Variants in CLK3 observed in about 807,000 individuals in gnomAD.
CLK3 encodes CDC like kinase 3, also known as dual specificity protein kinase CLK3.
A neutral mutation model predicts 65.2 loss-of-function variants in CLK3; 24 were observed. The observed-to-expected ratio is 0.37, with a 90% CI of 0.27 to 0.52. The LOEUF (loss-of-function observed/expected upper bound fraction) is 0.52, where lower values mean the gene tolerates loss of function less well. Ranked by LOEUF, CLK3 falls within the 20% of genes least tolerant of loss-of-function variation. The pLI is 0.92. For synonymous variants in CLK3, 252 were observed against 240.8 expected, an observed-to-expected ratio of 1.05 and a Z score of -0.43; for missense variants, 506 against 660.0, an observed-to-expected ratio of 0.77 and a Z score of 2.56.
Position 74,622,605 on chromosome 15 carries a change from C to T in CLK3, c.533+45C>T, listed in dbSNP as rs577814747. 32 of 1,482,522 alleles carry T rather than the reference C, an allele frequency of 2.2e-5. No homozygotes were observed. Among genetic ancestry groups the T allele is most frequent in the Non-Finnish European group, 2.4e-5 (26 of 1,082,712 alleles). The allele number at this position is 1,482,522 out of a possible 1,614,324, so 91.8% of individuals were successfully genotyped here. On this transcript the variant is annotated intron_variant, in intron 5 of 12. Transcript: ENST00000395066. This position sits in a 1 kb window ranked among gnomAD's most constrained non-coding sequence, Gnocchi z 4.6. ...ACAGCTGGCTCCGGATGTGATCTTC[C>T]TGGGAAGAGCTGGCCTGAGGTTCTT...
rs770174422 is a variant in CLK3, at chr15:74,622,576, C to A, written c.533+16C>A. Reference sequence around the variant, plus strand: ...ACCATGCCAGGTGAGCGAGCTGCGGCAGTACAGCTGGCTCCGGATGTGATC... The same window carrying A: ...ACCATGCCAGGTGAGCGAGCTGCGGAAGTACAGCTGGCTCCGGATGTGATC... On this transcript the variant is annotated intron_variant, in intron 5 of 12. Coordinates refer to ENST00000395066, the MANE Select transcript of CLK3 (RefSeq NM_001130028.2). This position sits in a 1 kb window ranked among gnomAD's most constrained non-coding sequence, Gnocchi z 4.6. 3.9e-5 allele frequency: 63 copies of A among 1,600,112 alleles called. No individual in the cohort carries two copies. Among genetic ancestry groups the A allele is most frequent in the Non-Finnish European group, 5.3e-5 (62 of 1,172,274 alleles).
rs182553092 is a variant in CLK3, at chr15:74,625,542, G to A, written c.651-260G>A. On this transcript the variant is annotated intron_variant, in intron 6 of 12. Transcript: ENST00000395066. The stretch of plus-strand genomic sequence containing the variant: ...TTCCATATCATAAGTAGGGAAGCTC[G>A]GAGGGCTTGGACCAGAACCGTGGAC... 1.7e-3 allele frequency among the ~76,000 whole-genome samples: 255 copies of A among 152,276 alleles called. 1 individual carries two copies. Among genetic ancestry groups the A allele is most frequent in the South Asian group, 6.2e-3 (30 of 4,824 alleles).
intron 6 of CLK3, 29 bp downstream of exon 6, chr15:74,625,047 G>A (rs1017977017): frequency 6.8e-7 from 1 of 1,471,484 alleles, no homozygotes; most frequent in Admixed American, 1.7e-5. Context: ...TGGGAGGGAA[G>A]CCTTCAGTGG....
rs1369394486 is a variant in CLK3, at chr15:74,629,885, A to T, written c.*2A>T. The T allele has an allele frequency of 6.2e-7, 1 of 1,606,332 alleles. No homozygotes were observed. Among genetic ancestry groups the T allele is most frequent in the Admixed American group, 1.7e-5 (1 of 59,022 alleles). On this transcript the variant is annotated 3_prime_UTR_variant, in exon 13 of 13. Coordinates refer to ENST00000395066, the MANE Select transcript of CLK3 (RefSeq NM_001130028.2). The stretch of plus-strand genomic sequence containing the variant: ...ACCAGCCGCAACCCAAGCAGATGAC[A>T]GGCACAGGCCACCGCATGAGGAGAT...
chr15:74,627,134 AC>A lies in CLK3; in HGVS notation c.818-212del. 4 of 659,914 alleles carry A rather than the reference AC, an allele frequency of 6.1e-6. No individual in the cohort carries two copies. Among genetic ancestry groups the A allele is most frequent in the East Asian group, 3.0e-5 (1 of 33,852 alleles). The allele number at this position is 659,914 out of a possible 1,614,324, so 40.9% of individuals were successfully genotyped here. A position where few individuals can be genotyped will look rare whatever the true frequency, so the allele number is the denominator to read the frequency against. On this transcript the variant is annotated intron_variant, in intron 7 of 12. Transcript: ENST00000395066. The surrounding 1 kb of genome is among the most constrained non-coding windows in gnomAD (Gnocchi z 4.3). ...TTTTCGAATGGCAAATTTCTTTCCTACCCCCCTGCTAAAGTATCAGAACCCT... is the reference window on the plus strand; with the variant it reads ...TTTTCGAATGGCAAATTTCTTTCCTACCCCCTGCTAAAGTATCAGAACCCT...
At chr15:74,615,596 G>C (rs1298141645), upstream of CLK3, 13 of 1,258,876 alleles carry the variant, frequency 1.0e-5, no homozygotes, top group Non-Finnish European at 1.3e-5. Flanking sequence ...GCACCTGTCA[G>C]GTCGGGGGAC....
At chr15:74,609,371 A>T (rs895361904) in intron 1 of CLK3, among the ~76,000 whole-genome samples, 2 of 152,198 alleles carry the variant, frequency 1.3e-5, no homozygotes, top group Admixed American at 1.3e-4. Flanking sequence ...GAAGATGAGG[A>T]TGGTGCTCTC....
In CLK3 at chr15:74,621,459, C is replaced by T. The variant is rs567613547; in HGVS notation, c.370-661C>T. ...AGGCTGGTGGCAGGAGGGCTGCTGACGGAAGGCTGTTTCTGGTAGTGATGG... is the reference window on the plus strand; with the variant it reads ...AGGCTGGTGGCAGGAGGGCTGCTGATGGAAGGCTGTTTCTGGTAGTGATGG... On this transcript the variant is annotated intron_variant, in intron 3 of 12. Transcript: ENST00000395066. The surrounding 1 kb of genome is among the most constrained non-coding windows in gnomAD (Gnocchi z 4.8). 2.4e-4 allele frequency: 39 copies of T among 164,270 alleles called. No homozygotes were observed. Among genetic ancestry groups the T allele is most frequent in the African/African-American group, 8.6e-4 (36 of 41,770 alleles). The allele number at this position is 164,270 out of a possible 1,614,324, so 10.2% of individuals were successfully genotyped here.
At chr15:74,615,334 C>T, upstream of CLK3, 9 of 976,016 alleles carry the variant, frequency 9.2e-6, no homozygotes, top group Non-Finnish European at 1.2e-5. Flanking sequence ...AAAAAACCCG[C>T]ACACACCAAG....
chr15:74,610,367 G>A (rs1480708124), intron 1 of CLK3, among the ~76,000 whole-genome samples: 1 of 152,208 alleles, frequency 6.6e-6, no homozygotes, highest in East Asian at 1.9e-4. Flanking sequence ...TGCATCTGGT[G>A]CCTCTCCTGC....
At chr15:74,614,613 C>A (rs574280563), upstream of CLK3, among the ~76,000 whole-genome samples, 2 of 152,246 alleles carry the variant, frequency 1.3e-5, no homozygotes, top group African/African-American at 4.8e-5. Flanking sequence ...TGAAACCCCC[C>A]GTTTCAGGGA....
chr15:74,626,687 T>C (rs780244467), intron 7 of CLK3, among the ~76,000 whole-genome samples: 3 of 152,060 alleles, frequency 2.0e-5, no homozygotes, highest in Non-Finnish European at 4.4e-5. Context: ...GGGCTGAGAA[T>C]TGGCTCCAGT....
At chr15:74,615,183 A>C (rs958911113), upstream of CLK3, 4 of 379,752 alleles carry the variant, frequency 1.1e-5, no homozygotes, top group Non-Finnish European at 1.9e-5. Context: ...GCAGGCCGGC[A>C]GGAAGCCGCT....
In CLK3 at chr15:74,622,619, C is replaced by T; in HGVS notation, c.533+59C>T. ...ATGTGATCTTCCTGGGAAGAGCTGG[C>T]CTGAGGTTCTTGAGGGTGGCAGCTA... On this transcript the variant is annotated intron_variant, in intron 5 of 12. Transcript: ENST00000395066. This position sits in a 1 kb window ranked among gnomAD's most constrained non-coding sequence, Gnocchi z 4.6. 1 of 1,405,968 alleles carries T rather than the reference C, an allele frequency of 7.1e-7. No individual in the cohort carries two copies. Among genetic ancestry groups the T allele is most frequent in the Non-Finnish European group, 9.8e-7 (1 of 1,020,730 alleles). The allele number at this position is 1,405,968 out of a possible 1,614,324, so 87.1% of individuals were successfully genotyped here. A position where few individuals can be genotyped will look rare whatever the true frequency, so the allele number is the denominator to read the frequency against.
chr15:74,626,686 A>T (rs2062145521), intron 7 of CLK3, among the ~76,000 whole-genome samples: 1 of 152,124 alleles, frequency 6.6e-6, no homozygotes, highest in African/African-American at 2.4e-5. Flanking sequence ...CGGGCTGAGA[A>T]TTGGCTCCAG....
At chr15:74,623,231 T>A (rs181353864) in intron 5 of CLK3, among the ~76,000 whole-genome samples, 21 of 152,348 alleles carry the variant, frequency 1.4e-4, no homozygotes, top group Non-Finnish European at 2.6e-4. Flanking sequence ...TAGGTCTGGG[T>A]TGGGGAGGCC....
In CLK3 at chr15:74,628,049, C is replaced by T. The variant is rs750205167; in HGVS notation, c.1122C>T (p.Phe374=). The change falls in exon 10 of 13, where the codon TTC becomes TTT. Residue 374 remains phenylalanine (F), a synonymous_variant. Coordinates refer to ENST00000395066, the MANE Select transcript of CLK3 (RefSeq NM_001130028.2). Reference sequence around the variant, plus strand: ...AGTACTACCGGGGCTTCACACTCTTCCAGGTACAGCCACCCTGCATTGGTC... The same window carrying T: ...AGTACTACCGGGGCTTCACACTCTTTCAGGTACAGCCACCCTGCATTGGTC... ...LFEYYRGFTL[F]QTHENREHLV... 2.3e-5 allele frequency: 37 copies of T among 1,605,634 alleles called. No homozygotes were observed. The highest frequency in any genetic ancestry group is 3.3e-4 in the Middle Eastern group (2 of 6,058).
chr15:74,619,650 C>T (rs917648475), intron 2 of CLK3, among the ~76,000 whole-genome samples: 4 of 152,190 alleles, frequency 2.6e-5, no homozygotes, highest in African/African-American at 9.7e-5. Flanking sequence ...GGATTAGGAA[C>T]ATAACCTCAC....
chr15:74,615,522 C>A, upstream of CLK3: 2 of 1,294,824 alleles, frequency 1.5e-6, no homozygotes, highest in Non-Finnish European at 2.0e-6. Context: ...CGGAGCGGGC[C>A]CAGCCCCACG....
Sources: allele counts gnomAD v4.1 joint callset (sites outside exome capture counted in the v4.1 genomes callset), GRCh38; gene constraint gnomAD v4.1.1; non-coding constraint Gnocchi (gnomAD v3.1); transcripts MANE v1.5; gene names NCBI Gene and HGNC (gene_info 2026-07-23, HGNC 2026-07-21).